The following BBS10 variants were observed in gnomAD, a reference collection of about 807,000 sequenced individuals.
The protein encoded by BBS10 is BBSome complex assembly protein BBS10.
In BBS10, 13 loss-of-function variants were observed where a neutral mutation model predicts 12.7. The ratio of observed to expected loss-of-function variants is 1.03; its 90% CI spans 0.67 to 1.63. BBS10 has a LOEUF of 1.63. Among genes scored for constraint, BBS10 ranks in the 40% most tolerant of loss-of-function variants. BBS10 has a pLI of 0.00. For synonymous variants in BBS10, 294 were observed against 304.8 expected, an observed-to-expected ratio of 0.96 and a Z score of 0.37; for missense variants, 858 against 858.0, an observed-to-expected ratio of 1.00 and a Z score of 0.00.
In BBS10 at chr12:76,348,274, C is replaced by T. The variant is rs752267054; in HGVS notation, c.85G>A (p.Val29Met). The T allele has an allele frequency of 1.9e-5, 30 of 1,613,084 alleles. No individual in the cohort carries two copies. The highest frequency in any genetic ancestry group is 2.5e-5 in the Non-Finnish European group (29 of 1,179,580). ...EVLEAIVSCC[V>M]GPEGRQVLCT... ...AAAACTTGCCGTCCCTCGGGCCCCA[C>T]GCAGCAGCTCACGATGGCTTCCAGC... Residue 29 changes from valine (V) to methionine (M), a missense_variant, in exon 1 of 2, where the codon GTG becomes ATG. Coordinates refer to ENST00000650064, the MANE Select transcript of BBS10 (RefSeq NM_024685.4).
At position 76,345,636 on chromosome 12, in the gene BBS10, A is replaced by G; in HGVS notation, c.*177T>C. On this transcript the variant is annotated 3_prime_UTR_variant, in exon 2 of 2. Transcript: ENST00000650064. The stretch of plus-strand genomic sequence containing the variant: ...TTGGCTTCCCCTCTAGATTTGTTCC[A>G]TAAAGTAATTTAATATTTGTATCTG... The G allele has an allele frequency of 1.6e-6, 1 of 627,462 alleles. No homozygotes were observed. Among genetic ancestry groups the G allele is most frequent in the East Asian group, 2.9e-5 (1 of 34,598 alleles). The allele number at this position is 627,462 out of a possible 1,614,324, so 38.9% of individuals were successfully genotyped here.
At chr12:76,348,006 A>C (rs1951776118) in intron 1 of BBS10, among the ~76,000 whole-genome samples, 156 bp downstream of exon 1, 1 of 152,200 alleles carries the variant, frequency 6.6e-6, no homozygotes, top group South Asian at 2.1e-4. Context: ...TTTGGGGTGC[A>C]GGAGTGTTCC....
At position 76,346,351 on chromosome 12, in the gene BBS10, G is replaced by A. The variant is rs1221945074; in HGVS notation, c.1634C>T (p.Ser545Phe). Residue 545 changes from serine to phenylalanine, a missense_variant, in exon 2 of 2, where the codon TCC becomes TTC. Transcript: ENST00000650064. ...ATTTCCCCTTGTTGAATAAGCAGTG[G>A]AATTGTTCTTGAGTAATGGTTCATA... ...DYYEPLLKNN[S>F]TAYSTRGNRI... 3.1e-6 allele frequency: 5 copies of A among 1,613,846 alleles called. No homozygotes were observed. Among genetic ancestry groups the A allele is most frequent in the Admixed American group, 3.3e-5 (2 of 59,986 alleles).
rs1277439507 is a variant in BBS10, at chr12:76,348,243, G to T, written c.116C>A (p.Thr39Lys). 6.2e-7 allele frequency: 1 copy of T among 1,613,680 alleles called. No individual in the cohort carries two copies. Among genetic ancestry groups the T allele is most frequent in the Admixed American group, 1.7e-5 (1 of 59,984 alleles). ...VGPEGRQVLC[T>K]KPTGEVLLSR... ...GAGAAGCACCTCGCCAGTGGGCTTC[G>T]TACACAAAACTTGCCGTCCCTCGGG... Residue 39 changes from threonine (T) to lysine (K), a missense_variant, in exon 1 of 2, where the codon ACG becomes AAG. By Grantham distance (78) the Thr-to-Lys change is moderately conservative (BLOSUM62 -1). Transcript: ENST00000650064.
In BBS10 at chr12:76,344,700, C is replaced by G. The variant is rs1432385652; in HGVS notation, c.*1113G>C. ...TCTTCAGTCAATCCCAAGTAAGAATCTGTTGAATAAGTAAACTGGAAACAT... is the reference window on the plus strand; with the variant it reads ...TCTTCAGTCAATCCCAAGTAAGAATGTGTTGAATAAGTAAACTGGAAACAT... On this transcript the variant is annotated 3_prime_UTR_variant, in exon 2 of 2. Transcript: ENST00000650064. The G allele has an allele frequency of 6.6e-6, 1 of 152,090 alleles. No homozygotes were observed. Among genetic ancestry groups the G allele is most frequent in the Non-Finnish European group, 1.5e-5 (1 of 67,986 alleles). The allele number at this position is 152,090 out of a possible 1,614,324, so 9.4% of individuals were successfully genotyped here.
Position 76,347,715 on chromosome 12 carries a change from A to C in BBS10, c.270T>G (p.Leu90=), listed in dbSNP as rs200390697. Residue 90 remains leucine, a synonymous_variant, in exon 2 of 2, where the codon CTT becomes CTG. Coordinates refer to ENST00000650064, the MANE Select transcript of BBS10 (RefSeq NM_024685.4). ...GDGAKTFIIF[L]CHLLRGLHAI... is the part of the protein sequence containing the mutation. ...CATGAAGTCCTCTAAGCAAATGGCA[A>C]AGAAAGATAATAAATGTTTTTGCAC... is the stretch of plus-strand genomic sequence containing the variant. The C allele has an allele frequency of 6.1e-5, 98 of 1,610,610 alleles. No individual in the cohort carries two copies. The East Asian group carries it at 2.2e-3, about 36-fold the overall frequency.
chr12:76,345,986 T>C lies in BBS10; in HGVS notation c.1999A>G (p.Thr667Ala). 1 of 1,614,062 alleles carries C rather than the reference T, an allele frequency of 6.2e-7. No individual in the cohort carries two copies. Among genetic ancestry groups the C allele is most frequent in the East Asian group, 2.2e-5 (1 of 44,874 alleles). The change falls in exon 2 of 2, where the codon ACC (threonine) becomes GCC (alanine). Residue 667 changes from threonine to alanine, a missense_variant. By Grantham distance (58) the Thr-to-Ala change is moderately conservative. Coordinates refer to ENST00000650064, the MANE Select transcript of BBS10 (RefSeq NM_024685.4). ...TYIRAVHALQTNQPLVSSQTG... is the reference protein window; with the variant it reads ...TYIRAVHALQANQPLVSSQTG... ...TGACTGCTTACCAAGGGTTGATTGG[T>C]TTGCAGTGCATGGACAGCTCTTATA...
chr12:76,347,202 T>C lies in BBS10; in HGVS notation c.783A>G (p.Thr261=), dbSNP rs768475584. 1.6e-5 allele frequency: 25 copies of C among 1,611,482 alleles called. No homozygotes were observed. In the East Asian group the frequency reaches 1.6e-4, roughly 10 times the overall value. ...TGGAAAAAAGAGGCTGAATGGTTTC[T>C]GTTACTATCACCATTCGCATGTCAC... is the stretch of plus-strand genomic sequence containing the variant. ...ADGDMRMVIV[T]ETIQPLFSTS... is the part of the protein sequence containing the mutation. Residue 261 remains threonine, a synonymous_variant, in exon 2 of 2, where the codon ACA becomes ACG. Transcript: ENST00000650064.
At position 76,345,062 on chromosome 12, in the gene BBS10, T is replaced by A. The variant is rs1271712264; in HGVS notation, c.*751A>T. 1 of 152,134 alleles carries A rather than the reference T, an allele frequency of 6.6e-6. No individual in the cohort carries two copies. The highest frequency in any genetic ancestry group is 1.5e-5 in the Non-Finnish European group (1 of 67,984). The allele number at this position is 152,134 out of a possible 1,614,324, so 9.4% of individuals were successfully genotyped here. A position where few individuals can be genotyped will look rare whatever the true frequency, so the allele number is the denominator to read the frequency against. On this transcript the variant is annotated 3_prime_UTR_variant, in exon 2 of 2. Transcript: ENST00000650064. ...TACATGACATATCCTTACAAGCTCT[T>A]GGGGTCAGGAGAAAATCAAAGTATT...
chr12:76,345,030 C>CA lies in BBS10; in HGVS notation c.*782dup, dbSNP rs1451504017. 1 of 151,988 alleles carries CA rather than the reference C, an allele frequency of 6.6e-6. No homozygotes were observed. Among genetic ancestry groups the CA allele is most frequent in the Non-Finnish European group, 1.5e-5 (1 of 67,942 alleles). The allele number at this position is 151,988 out of a possible 1,614,324, so 9.4% of individuals were successfully genotyped here. A position where few individuals can be genotyped will look rare whatever the true frequency, so the allele number is the denominator to read the frequency against. On this transcript the variant is annotated 3_prime_UTR_variant, in exon 2 of 2. Transcript: ENST00000650064. Reference sequence around the variant, plus strand: ...GCTATGCACCAGATACAAGAAAAACCAGTAAATACATGACATATCCTTACA... The same window carrying CA: ...GCTATGCACCAGATACAAGAAAAACCAAGTAAATACATGACATATCCTTACA...
Position 76,346,800 on chromosome 12 carries a change from G to C in BBS10, c.1185C>G (p.His395Gln), listed in dbSNP as rs863224793. 1.2e-6 allele frequency: 2 copies of C among 1,614,162 alleles called. No homozygotes were observed. Among genetic ancestry groups the C allele is most frequent in the Non-Finnish European group, 1.7e-6 (2 of 1,180,002 alleles). Residue 395 changes from histidine (H) to glutamine (Q), a missense_variant, in exon 2 of 2, where the codon CAC becomes CAG. Physicochemically the swap from His to Gln is conservative, Grantham distance 24 (BLOSUM62 0). Transcript: ENST00000650064. ...GCACTGGTCCACAAAGAACTATAGA[G>C]TGTGGTATAAATGCACATGTGCTTA... ...GLISTCAFIP[H>Q]SIVLCGPVHG...
At position 76,348,412 on chromosome 12, in the gene BBS10, A is replaced by G. The variant is rs1392535131; in HGVS notation, c.-54T>C. 3 of 1,539,780 alleles carry G rather than the reference A, an allele frequency of 1.9e-6. No homozygotes were observed. Among genetic ancestry groups the G allele is most frequent in the East Asian group, 4.9e-5 (2 of 40,942 alleles). On this transcript the variant is annotated 5_prime_UTR_variant, in exon 1 of 2. Coordinates refer to ENST00000650064, the MANE Select transcript of BBS10 (RefSeq NM_024685.4). ...CTTGCAGAACACCCGGGCCGACCGA[A>G]AACAGGGGTGGGAACGGCCGGAAAC...
At position 76,345,881 on chromosome 12, in the gene BBS10, C is replaced by T; in HGVS notation, c.2104G>A (p.Asp702Asn). 6.2e-7 allele frequency: 1 copy of T among 1,613,526 alleles called. No individual in the cohort carries two copies. The highest frequency in any genetic ancestry group is 8.5e-7 in the Non-Finnish European group (1 of 1,179,516). Residue 702 changes from aspartate to asparagine, a missense_variant, in exon 2 of 2, where the codon GAC (aspartate) becomes AAC (asparagine). By Grantham distance (23) the Asp-to-Asn change is conservative. Coordinates refer to ENST00000650064, the MANE Select transcript of BBS10 (RefSeq NM_024685.4). ...LQCLTKILTI[D>N]MVITVKRHPQ... is the part of the protein sequence containing the mutation. ...TGTCTCTTAACAGTGATTACCATGTCAATGGTTAATATTTTTGTCAAACAC... is the reference window on the plus strand; with the variant it reads ...TGTCTCTTAACAGTGATTACCATGTTAATGGTTAATATTTTTGTCAAACAC...
At position 76,348,360 on chromosome 12, in the gene BBS10, T is replaced by G. The variant is rs372599993; in HGVS notation, c.-2A>C. The stretch of plus-strand genomic sequence containing the variant: ...TGCAGCGGCCATAGAACTTAACATA[T>G]CTGGGCCGCTTCCCCTTTTTGACCA... On this transcript the variant is annotated 5_prime_UTR_variant, in exon 1 of 2. Coordinates refer to ENST00000650064, the MANE Select transcript of BBS10 (RefSeq NM_024685.4). The G allele has an allele frequency of 1.3e-4, 203 of 1,576,830 alleles. No homozygotes were observed. In the African/African-American group the frequency reaches 2.6e-3, roughly 20 times the overall value.
At position 76,346,543 on chromosome 12, in the gene BBS10, T is replaced by C. The variant is rs779567118; in HGVS notation, c.1442A>G (p.Glu481Gly). The C allele has an allele frequency of 9.3e-6, 15 of 1,614,024 alleles. No homozygotes were observed. Among genetic ancestry groups the C allele is most frequent in the Admixed American group, 3.3e-5 (2 of 60,008 alleles). The change falls in exon 2 of 2, where the codon GAA becomes GGA. Residue 481 changes from glutamate (E) to glycine (G), a missense_variant. Physicochemically the swap from Glu to Gly is moderately conservative, Grantham distance 98 (BLOSUM62 -2). Transcript: ENST00000650064. The part of the protein sequence containing the change: ...DTVAENKDAL[E>G]KTQTYLKVHS... ...TACTTTTAAATATGTTTGAGTTTTTTCCAATGCATCTTTGTTCTCTGCAAC... is the reference window on the plus strand; with the variant it reads ...TACTTTTAAATATGTTTGAGTTTTTCCCAATGCATCTTTGTTCTCTGCAAC...
rs201962535 is a variant in BBS10 at position 76,346,422 on chromosome 12, T to G, written c.1563A>C (p.Glu521Asp). The G allele has an allele frequency of 8.1e-6, 13 of 1,614,052 alleles. No homozygotes were observed. Among genetic ancestry groups the G allele is most frequent in the Non-Finnish European group, 1.1e-5 (13 of 1,180,010 alleles). ...TTTCCAAAGACAAACATGTCAGCGT[T>G]TCAACTGTTTGGAATGTATCTGTTG... ...LTPTDTFQTV[E>D]TLTCLSLERN... Residue 521 changes from glutamate to aspartate, a missense_variant, in exon 2 of 2, where the codon GAA becomes GAC. Coordinates refer to ENST00000650064, the MANE Select transcript of BBS10 (RefSeq NM_024685.4).
Position 76,346,351 on chromosome 12 carries a change from G to C in BBS10, c.1634C>G (p.Ser545Cys), listed in dbSNP as rs1221945074. The C allele has an allele frequency of 3.1e-6, 5 of 1,613,964 alleles. No homozygotes were observed. Among genetic ancestry groups the C allele is most frequent in the Non-Finnish European group, 2.5e-6 (3 of 1,179,926 alleles). ...DYYEPLLKNN[S>C]TAYSTRGNRI... is the part of the protein sequence containing the mutation. ...ATTTCCCCTTGTTGAATAAGCAGTG[G>C]AATTGTTCTTGAGTAATGGTTCATA... Residue 545 changes from serine (S) to cysteine (C), a missense_variant, in exon 2 of 2, where the codon TCC (serine) becomes TGC (cysteine). Transcript: ENST00000650064.
In BBS10 at chr12:76,346,751, C is replaced by T. The variant is rs1413288461; in HGVS notation, c.1234G>A (p.Asp412Asn). Residue 412 changes from aspartate to asparagine, a missense_variant, in exon 2 of 2, where the codon GAT becomes AAT. Asp to Asn is a conservative substitution (Grantham distance 23). Coordinates refer to ENST00000650064, the MANE Select transcript of BBS10 (RefSeq NM_024685.4). ...ATTTTAAGTGCTCCATGTAAAGCAT[C>T]CTCATGTTGTTCAATGAGACCATGC... ...PVHGLIEQHE[D>N]ALHGALKMLR... The T allele has an allele frequency of 2.5e-6, 4 of 1,614,056 alleles. No individual in the cohort carries two copies. The highest frequency in any genetic ancestry group is 2.2e-5 in the East Asian group (1 of 44,876).
Position 76,347,569 on chromosome 12 carries a change from T to G in BBS10, c.416A>C (p.Gln139Pro). ...CTGGTCCATAATACCGTCTAATATT[T>G]GTGTCTGAAACGTTAGGAGAGCCTG... ...ISQALLTFQT[Q>P]ILDGIMDQYL... Residue 139 changes from glutamine (Q) to proline (P), a missense_variant, in exon 2 of 2, where the codon CAA (glutamine) becomes CCA (proline). By Grantham distance (76) the Gln-to-Pro change is moderately conservative. Transcript: ENST00000650064. 6.2e-7 allele frequency: 1 copy of G among 1,613,818 alleles called. No homozygotes were observed. Among genetic ancestry groups the G allele is most frequent in the Non-Finnish European group, 8.5e-7 (1 of 1,180,012 alleles).
Sources: allele counts gnomAD v4.1 joint callset (sites outside exome capture counted in the v4.1 genomes callset), GRCh38; gene constraint gnomAD v4.1.1; transcripts MANE v1.5; gene names NCBI Gene and HGNC (gene_info 2026-07-23, HGNC 2026-07-21).